Variants in MAST4 observed in about 807,000 individuals in gnomAD.
MAST4 encodes the protein microtubule-associated serine/threonine-protein kinase 4.
In MAST4, 89 loss-of-function variants were observed where a neutral mutation model predicts 162.7. The observed-to-expected ratio is 0.55, with a 90% CI of 0.46 to 0.65. The LOEUF is 0.65. MAST4 is among the 30% of genes least tolerant of loss of function. The probability of loss-of-function intolerance (pLI) is 0.00; values close to 1 mark genes in which losing one functional copy is unlikely to be tolerated. For missense variants in MAST4, 3,153 were observed against 3,374.0 expected (o/e 0.93, Z 1.62); for synonymous variants, 1,479 against 1,361.1 (o/e 1.09, Z -1.91).
In MAST4 at chr5:67,164,282, C is replaced by T; in HGVS notation, c.5103C>T (p.Asn1701=). The T allele has an allele frequency of 6.2e-7, 1 of 1,614,030 alleles. No homozygotes were observed. The highest frequency in any genetic ancestry group is 8.5e-7 in the Non-Finnish European group (1 of 1,179,884). Residue 1701 remains asparagine, a synonymous_variant, in exon 29 of 29, where the codon AAC becomes AAT. Transcript: ENST00000403625. This position sits in a 1 kb window ranked among gnomAD's most constrained non-coding sequence, Gnocchi z 5.3. Reference sequence around the variant, plus strand: ...TGTCACTTGAGGACAAAGAGGACAACCTCTGCCCTGTGCTGAAGCCCAAGA... The same window carrying T: ...TGTCACTTGAGGACAAAGAGGACAATCTCTGCCCTGTGCTGAAGCCCAAGA... The part of the protein sequence containing the change: ...KKMSLEDKED[N]LCPVLKPKMT...
At chr5:67,099,478 G>C (rs988252812) in intron 7 of MAST4, among the ~76,000 whole-genome samples, 10 of 151,910 alleles carry the variant, frequency 6.6e-5, no homozygotes, top group Non-Finnish European at 1.3e-4. Context: ...ATTTATGAAG[G>C]ATACTCTTAA....
At chr5:66,774,165 G>GT (rs1258957439) in intron 2 of MAST4, among the ~76,000 whole-genome samples, 1 of 152,176 alleles carries the variant, frequency 6.6e-6, no homozygotes, top group Non-Finnish European at 1.5e-5. Flanking sequence ...TCTGAAACAA[G>GT]TTTATCTGTG....
intron 4 of MAST4, among the ~76,000 whole-genome samples, chr5:66,916,484 T>A (rs2150030533): frequency 6.6e-6 from 1 of 152,366 alleles, no homozygotes; most frequent in South Asian, 2.1e-4. Context: ...TAACATAGTT[T>A]TGAAAATTAT....
intron 1 of MAST4, among the ~76,000 whole-genome samples, chr5:66,688,780 G>T (rs766961238): frequency 1.3e-5 from 2 of 152,122 alleles, no homozygotes; most frequent in Non-Finnish European, 2.9e-5. Context: ...TGGACTCTTA[G>T]GCAATGGGAG....
chr5:67,075,003 A>G (rs1761439819), intron 5 of MAST4, among the ~76,000 whole-genome samples: 1 of 152,188 alleles, frequency 6.6e-6, no homozygotes, highest in Non-Finnish European at 1.5e-5. Flanking sequence ...GTTTTCCAAC[A>G]TTAGTAGCAG....
intron 1 of MAST4, among the ~76,000 whole-genome samples, chr5:66,622,267 G>A (rs1744123900): frequency 6.6e-6 from 1 of 152,150 alleles, no homozygotes; most frequent in African/African-American, 2.4e-5. Context: ...AAGTGCAAAG[G>A]CCCTGAGATG....
chr5:66,765,285 G>T (rs931962728), intron 2 of MAST4, among the ~76,000 whole-genome samples: 1 of 152,158 alleles, frequency 6.6e-6, no homozygotes, highest in Non-Finnish European at 1.5e-5. Flanking sequence ...AGTAGCCACA[G>T]ATTCCAGGTT....
chr5:66,886,560 T>C (rs1301257172), intron 3 of MAST4, among the ~76,000 whole-genome samples: 1 of 151,812 alleles, frequency 6.6e-6, no homozygotes, highest in Non-Finnish European at 1.5e-5. Context: ...GTTTAAACTT[T>C]TATTCTGAAG....
At chr5:66,953,329 G>A (rs74559393) in intron 4 of MAST4, among the ~76,000 whole-genome samples, 2,585 of 152,238 alleles carry the variant, frequency 0.017, 75 homozygotes, top group African/African-American at 0.058. Context: ...ATCAAAACTC[G>A]TACGTTTAAA....
At chr5:67,145,740 T>C (rs1771005311) in intron 23 of MAST4, among the ~76,000 whole-genome samples, 1 of 152,200 alleles carries the variant, frequency 6.6e-6, no homozygotes, top group Non-Finnish European at 1.5e-5. Flanking sequence ...TGCATCTAAC[T>C]CAAAAGTTCA....
At chr5:67,092,905 C>T (rs1764027117) in intron 6 of MAST4, among the ~76,000 whole-genome samples, 1 of 152,140 alleles carries the variant, frequency 6.6e-6, no homozygotes, top group Non-Finnish European at 1.5e-5. Flanking sequence ...TTTGAATCTG[C>T]TGAGTCTGAT....
chr5:66,804,606 G>A (rs1019229247), intron 3 of MAST4, among the ~76,000 whole-genome samples: 3 of 152,186 alleles, frequency 2.0e-5, no homozygotes, highest in Non-Finnish European at 4.4e-5. Context: ...TGGCATCAGT[G>A]GAATGGGGAA....
rs566337455 is a variant in MAST4, at chr5:66,899,852, C to T, written c.643-99C>T. On this transcript the variant is annotated intron_variant, in intron 3 of 28. Transcript: ENST00000403625. The stretch of plus-strand genomic sequence containing the variant: ...TCAGTATAAGAAATGCCAAATCAAG[C>T]GTAATGAAGGATGATACATTCTACG... 4.8e-5 allele frequency: 44 copies of T among 925,066 alleles called. 1 individual carries two copies. Among genetic ancestry groups the T allele is most frequent in the South Asian group, 2.8e-4 (13 of 46,572 alleles). The allele number at this position is 925,066 out of a possible 1,614,324, so 57.3% of individuals were successfully genotyped here.
intron 3 of MAST4, among the ~76,000 whole-genome samples, chr5:66,797,488 G>A (rs1316281775): frequency 6.6e-6 from 1 of 152,182 alleles, no homozygotes; most frequent in Non-Finnish European, 1.5e-5. Flanking sequence ...CTGAATCAGT[G>A]TGTTCCCCAG....
intron 4 of MAST4, among the ~76,000 whole-genome samples, chr5:66,970,997 A>C (rs144394799): frequency 3.3e-5 from 5 of 152,238 alleles, no homozygotes; most frequent in Non-Finnish European, 5.9e-5. Context: ...CCTCTTCCCA[A>C]TGTCTAGAAA....
intron 3 of MAST4, among the ~76,000 whole-genome samples, chr5:66,893,372 A>ATT (rs34342512): frequency 0.02 from 2,907 of 143,226 alleles, 71 homozygotes; most frequent in African/African-American, 0.048. Flanking sequence ...CGCCCAGCTA[A>ATT]TTTTTTTTTT....
rs536809246 is a variant in MAST4 at position 67,162,700 on chromosome 5, G to A, written c.3879G>A (p.Ser1293=). Residue 1293 remains serine, a synonymous_variant, in exon 28 of 29, where the codon TCG becomes TCA. Transcript: ENST00000403625. ...SFSCLNRSLS[S]GESLPGSPTH... The stretch of plus-strand genomic sequence containing the variant: ...CCTGCTTGAACAGATCCCTGTCATC[G>A]GGTGAGAGCCTCCCAGGTTCCCCCA... The A allele has an allele frequency of 1.2e-6, 2 of 1,613,740 alleles. No individual in the cohort carries two copies. The highest frequency in any genetic ancestry group is 1.3e-5 in the African/African-American group (1 of 74,926).
In MAST4 at chr5:67,169,516, T is replaced by A. The variant is rs1049176886; in HGVS notation, c.*2465T>A. 3.3e-5 allele frequency: 5 copies of A among 152,204 alleles called. No individual in the cohort carries two copies. Among genetic ancestry groups the A allele is most frequent in the Admixed American group, 2.0e-4 (3 of 15,278 alleles). 9.4% of individuals were successfully genotyped at this position (152,204 alleles called of 1,614,324 possible). On this transcript the variant is annotated 3_prime_UTR_variant, in exon 29 of 29. Transcript: ENST00000403625. ...TTCTCTAAGAAATTCCTTATGGACG[T>A]CATAATTGTTGTATATTGAACAAAA...
intron 3 of MAST4, among the ~76,000 whole-genome samples, chr5:66,808,160 G>A (rs757051147): frequency 3.9e-5 from 6 of 152,212 alleles, no homozygotes; most frequent in African/African-American, 7.2e-5. Flanking sequence ...TCATTCTGTC[G>A]TGTTCAGTCC....
Sources: allele counts gnomAD v4.1 joint callset (sites outside exome capture counted in the v4.1 genomes callset), GRCh38; gene constraint gnomAD v4.1.1; non-coding constraint Gnocchi (gnomAD v3.1); transcripts MANE v1.5; gene names NCBI Gene and HGNC (gene_info 2026-07-23, HGNC 2026-07-21).